RNF149: variants seen among roughly 807,000 people sequenced by gnomAD.
RNF149 encodes ring finger protein 149.
In RNF149, 21 loss-of-function variants were observed where a neutral mutation model predicts 39.0. That is an observed-to-expected ratio of 0.54 (90% CI 0.38 to 0.77). The LOEUF is 0.77. RNF149 is among the 30% of genes least tolerant of loss of function. The pLI is 0.00. For missense variants in RNF149, 493 were observed against 534.9 expected (o/e 0.92, Z 0.77); for synonymous variants, 209 against 213.6 (o/e 0.98, Z 0.19).
At chr2:101,294,557 GC>G in intron 2 of RNF149, 1 of 210,992 alleles carries the variant, frequency 4.7e-6, no homozygotes. Flanking sequence ...GCCTTGGGAA[GC>G]CACTGGCTCT....
chr2:101,285,074 T>C (rs925113861), intron 5 of RNF149, among the ~76,000 whole-genome samples: 4 of 152,000 alleles, frequency 2.6e-5, no homozygotes, highest in African/African-American at 9.7e-5. Context: ...TTTTTTGTAT[T>C]TTTAGGAGAG....
In RNF149 at chr2:101,307,824, T is replaced by C. The variant is rs943148436; in HGVS notation, c.460+305A>G. On this transcript the variant is annotated intron_variant, in intron 1 of 6. Coordinates refer to ENST00000295317, the MANE Select transcript of RNF149 (RefSeq NM_173647.4). ...TGGAAAAGAGGCCCATGATTAGGAA[T>C]CATGAGATTTCCTCACCTGTTAGAA... 3 of 985,230 alleles carry C rather than the reference T, an allele frequency of 3.0e-6. No homozygotes were observed. The Admixed American group carries it at 1.8e-4, about 61-fold the overall frequency. 61.0% of individuals were successfully genotyped at this position (985,230 alleles called of 1,614,324 possible). A position where few individuals can be genotyped will look rare whatever the true frequency, so the allele number is the denominator to read the frequency against.
At chr2:101,308,013 G>A in intron 1 of RNF149, 116 bp downstream of exon 1, 1 of 1,469,568 alleles carries the variant, frequency 6.8e-7, no homozygotes, top group Non-Finnish European at 9.0e-7. Flanking sequence ...AACAGCCAGA[G>A]GCCTGAGAGC....
chr2:101,293,153 A>T (rs1326891744), intron 3 of RNF149, among the ~76,000 whole-genome samples: 1 of 152,122 alleles, frequency 6.6e-6, no homozygotes, highest in African/African-American at 2.4e-5. Flanking sequence ...AAAAAAAATC[A>T]AAAGTCTGTA....
chr2:101,308,145 C>G lies in RNF149; in HGVS notation c.444G>C (p.Leu148Phe), dbSNP rs1448873793. 2 of 1,609,574 alleles carry G rather than the reference C, an allele frequency of 1.2e-6. No homozygotes were observed. The highest frequency in any genetic ancestry group is 1.7e-6 in the Non-Finnish European group (2 of 1,179,054). The change falls in exon 1 of 7, where the codon TTG becomes TTC. Residue 148 changes from leucine to phenylalanine, a missense_variant. Transcript: ENST00000295317. The stretch of plus-strand genomic sequence containing the variant: ...CCTGCTCACCCGCGTGAGACATGGG[C>G]AAGGTGATGTTCCCGTAGCGCTCCT... ...YNEERYGNIT[L>F]PMSHAGTGNI...
chr2:101,288,925 A>C (rs1373533808), intron 4 of RNF149, 48 bp downstream of exon 4: 1 of 957,670 alleles, frequency 1.0e-6, no homozygotes, highest in East Asian at 2.5e-5. Context: ...CAGACACCTA[A>C]AACTTGTCAA....
intron 2 of RNF149, 88 bp downstream of exon 2, chr2:101,294,843 A>T: frequency 9.2e-7 from 1 of 1,090,880 alleles, no homozygotes; most frequent in Non-Finnish European, 1.3e-6. Flanking sequence ...AATCAAGATT[A>T]TGGTCAAATG....
intron 4 of RNF149, among the ~76,000 whole-genome samples, chr2:101,288,552 C>T (rs76056263): frequency 2.6e-5 from 4 of 152,168 alleles, no homozygotes; most frequent in East Asian, 3.9e-4. Context: ...TCAGAAGGAA[C>T]GCAAGCCCAG....
Position 101,308,589 on chromosome 2 carries a change from G to A in RNF149, c.-1C>T, listed in dbSNP as rs1173274429. ...TGGCTTCGCGCCGCCGCCACGCCAT[G>A]GCAGCACCGCTGAGCTGACTAGGGG... On this transcript the variant is annotated 5_prime_UTR_variant, in exon 1 of 7. Transcript: ENST00000295317. 18 of 1,544,916 alleles carry A rather than the reference G, an allele frequency of 1.2e-5. No homozygotes were observed. The highest frequency in any genetic ancestry group is 2.3e-5 in the East Asian group (1 of 42,568).
chr2:101,293,695 T>C lies in RNF149; in HGVS notation c.780+319A>G, dbSNP rs558583622. On this transcript the variant is annotated intron_variant, in intron 3 of 6. Transcript: ENST00000295317. ...GAAGCTATCAAGGGTCTGTGAAGAC[T>C]GTATGTCTTTATAGTTATCTGGTTC... 2.6e-5 allele frequency among the ~76,000 whole-genome samples: 4 copies of C among 152,332 alleles called. No homozygotes were observed. The East Asian group carries it at 5.8e-4, about 22-fold the overall frequency.
chr2:101,277,544 A>C (rs1287702529), intron 6 of RNF149, among the ~76,000 whole-genome samples: 1 of 152,012 alleles, frequency 6.6e-6, no homozygotes, highest in African/African-American at 2.4e-5. Flanking sequence ...ACCCGCCACC[A>C]CATTCAGCTA....
At chr2:101,297,822 A>C (rs907246991) in intron 1 of RNF149, among the ~76,000 whole-genome samples, 1 of 152,240 alleles carries the variant, frequency 6.6e-6, no homozygotes, top group Non-Finnish European at 1.5e-5. Context: ...CCCTAGAAAG[A>C]AACCCTGTGT....
intron 2 of RNF149, 178 bp downstream of exon 2, chr2:101,294,753 C>CA: frequency 1.6e-6 from 1 of 606,868 alleles, no homozygotes. Flanking sequence ...TAATTTCCCA[C>CA]AAAACAAAAA....
rs1208635942 is a variant in RNF149, at chr2:101,308,527, A to C, written c.62T>G (p.Leu21Arg). ...GARGVLALAL[L>R]ALALCVPGAR... ...CCCGGGCACGCACAGGGCCAGGGCG[A>C]GCAACGCCAGAGCCAACACGCCGCG... Residue 21 changes from leucine to arginine, a missense_variant, in exon 1 of 7, where the codon CTC (leucine) becomes CGC (arginine). Leu to Arg is a moderately radical substitution (Grantham distance 102, BLOSUM62 -2). Coordinates refer to ENST00000295317, the MANE Select transcript of RNF149 (RefSeq NM_173647.4). The C allele has an allele frequency of 3.1e-6, 5 of 1,604,008 alleles. No homozygotes were observed. Among genetic ancestry groups the C allele is most frequent in the Non-Finnish European group, 4.2e-6 (5 of 1,177,032 alleles).
intron 2 of RNF149, 68 bp downstream of exon 2, chr2:101,294,863 G>A: frequency 8.1e-7 from 1 of 1,231,638 alleles, no homozygotes. Context: ...GTAACTTCTA[G>A]GAATATATAT....
At chr2:101,291,495 C>T (rs1683010928) in intron 3 of RNF149, among the ~76,000 whole-genome samples, 1 of 151,428 alleles carries the variant, frequency 6.6e-6, no homozygotes, top group South Asian at 2.1e-4. Flanking sequence ...GTTGCCCAGG[C>T]TGGTTTTGAA....
At position 101,277,072 on chromosome 2, in the gene RNF149, T is replaced by G. The variant is rs1682372493; in HGVS notation, c.*166A>C. 7.2e-7 allele frequency: 1 copy of G among 1,390,290 alleles called. No homozygotes were observed. Among genetic ancestry groups the G allele is most frequent in the African/African-American group, 1.5e-5 (1 of 68,420 alleles). 86.1% of individuals were successfully genotyped at this position (1,390,290 alleles called of 1,614,324 possible). ...ATATGAGGACTAATCGAAAAGTCTC[T>G]TCAAGAAGAAAATATCTTAGTCCTT... On this transcript the variant is annotated 3_prime_UTR_variant, in exon 7 of 7. Transcript: ENST00000295317.
At chr2:101,300,954 T>C (rs922891537) in intron 1 of RNF149, among the ~76,000 whole-genome samples, 33 of 152,226 alleles carry the variant, frequency 2.2e-4, no homozygotes, top group African/African-American at 6.3e-4. Flanking sequence ...CCAATGCTAA[T>C]GAGCTAAGCT....
rs371781093 is a variant in RNF149, at chr2:101,308,345, C to T, written c.244G>A (p.Ala82Thr). 108 of 1,599,664 alleles carry T rather than the reference C, an allele frequency of 6.8e-5. No homozygotes were observed. Among genetic ancestry groups the T allele is most frequent in the Middle Eastern group, 5.0e-4 (3 of 5,962 alleles). ...CAGCCCTCGAGGTCTCCGCCGGGCG[C>T]CCACGGGACGCCCACCAGGCCATGC... ...GAHGLVGVPW[A>T]PGGDLEGCAP... The change falls in exon 1 of 7, where the codon GCG becomes ACG. Residue 82 changes from alanine to threonine, a missense_variant. Coordinates refer to ENST00000295317, the MANE Select transcript of RNF149 (RefSeq NM_173647.4).
Sources: allele counts gnomAD v4.1 joint callset (sites outside exome capture counted in the v4.1 genomes callset), GRCh38; gene constraint gnomAD v4.1.1; transcripts MANE v1.5; gene names NCBI Gene and HGNC (gene_info 2026-07-23, HGNC 2026-07-21).